FILIP1: variants seen among roughly 807,000 people sequenced by gnomAD.
FILIP1 encodes filamin A interacting protein 1, also known as filamin-A-interacting protein 1.
A neutral mutation model predicts 102.1 loss-of-function variants in FILIP1; 61 were observed. That is an observed-to-expected ratio of 0.60 (90% CI 0.49 to 0.74). The LOEUF is 0.74. Ranked by LOEUF, FILIP1 falls within the 30% of genes least tolerant of loss-of-function variation. FILIP1 has a pLI of 0.00. For missense variants in FILIP1, 1,314 were observed against 1,441.2 expected, an observed-to-expected ratio of 0.91 and a Z score of 1.43; for synonymous variants, 491 against 526.9, an observed-to-expected ratio of 0.93 and a Z score of 0.93.
At chr6:75,476,990 T>C (rs1225452577) in intron 1 of FILIP1, among the ~76,000 whole-genome samples, 5 of 152,176 alleles carry the variant, frequency 3.3e-5, no homozygotes, top group Non-Finnish European at 1.5e-5. Flanking sequence ...ATGATTGCGG[T>C]TATTAGTTTT....
At chr6:75,418,252 A>C (rs1346154164) in intron 1 of FILIP1, among the ~76,000 whole-genome samples, 8 of 152,188 alleles carry the variant, frequency 5.3e-5, no homozygotes, top group Non-Finnish European at 1.0e-4. Flanking sequence ...ACATAACAAA[A>C]TTTGAGAAAT....
At chr6:75,483,014 T>A (rs1475285285) in intron 1 of FILIP1, among the ~76,000 whole-genome samples, 3 of 146,690 alleles carry the variant, frequency 2.0e-5, no homozygotes, top group Non-Finnish European at 4.5e-5. Flanking sequence ...TTTCACTTTT[T>A]GTTTGCTTTC....
At position 75,312,824 on chromosome 6, in the gene FILIP1, G is replaced by A. The variant is rs1463049213; in HGVS notation, c.3008C>T (p.Pro1003Leu). The change falls in exon 5 of 6, where the codon CCC becomes CTC. Residue 1003 changes from proline (P) to leucine (L), a missense_variant. This residue lies in a region of FILIP1 where 816 missense variants were observed against 913.1 expected (regional missense o/e 0.89). Transcript: ENST00000237172. ...ESGRGAFADRPTSPIQIMTVS... is the reference protein window; with the variant it reads ...ESGRGAFADRLTSPIQIMTVS... ...CGTCATTATCTGAATAGGGGATGTG[G>A]GCCTGTCTGCAAATGCGCCTCTTCC... The A allele has an allele frequency of 6.2e-6, 10 of 1,614,152 alleles. No homozygotes were observed. In the South Asian group the frequency reaches 1.1e-4, roughly 18 times the overall value.
At chr6:75,465,637 G>T in intron 1 of FILIP1, 1 of 317,422 alleles carries the variant, frequency 3.2e-6, no homozygotes, top group Non-Finnish European at 5.8e-6. Flanking sequence ...TTCCACAGTA[G>T]TATATTTTCC....
At chr6:75,392,985 T>A (rs1345395625) in intron 2 of FILIP1, among the ~76,000 whole-genome samples, 1 of 152,198 alleles carries the variant, frequency 6.6e-6, no homozygotes, top group Non-Finnish European at 1.5e-5. Context: ...AATTGTCCAG[T>A]CTCAGGTATG....
intron 1 of FILIP1, among the ~76,000 whole-genome samples, chr6:75,486,957 T>C (rs1779806467): frequency 6.6e-6 from 1 of 152,114 alleles, no homozygotes; most frequent in African/African-American, 2.4e-5. Flanking sequence ...TTATCAAAAG[T>C]TGACGGGCCC....
chr6:75,401,792 C>T (rs1306822148), intron 2 of FILIP1, among the ~76,000 whole-genome samples: 1 of 152,090 alleles, frequency 6.6e-6, no homozygotes, highest in African/African-American at 2.4e-5. Context: ...TCATCATGCC[C>T]CAAGTCCTAC....
chr6:75,433,266 G>A (rs2464434), intron 1 of FILIP1, among the ~76,000 whole-genome samples: 106,133 of 152,064 alleles, frequency 0.7, 37,888 homozygotes, highest in African/African-American at 0.86. Flanking sequence ...GTCTTCCACA[G>A]TGATTGAATA....
chr6:75,329,787 T>G (rs1305197511), intron 4 of FILIP1, among the ~76,000 whole-genome samples: 1 of 152,186 alleles, frequency 6.6e-6, no homozygotes, highest in Non-Finnish European at 1.5e-5. Context: ...ATCTTTAATT[T>G]TTGTGGGTAC....
intron 1 of FILIP1, among the ~76,000 whole-genome samples, chr6:75,492,667 A>G (rs927700541): frequency 3.3e-5 from 5 of 152,196 alleles, no homozygotes; most frequent in African/African-American, 1.2e-4. Context: ...ACACATTCAT[A>G]CACACACACA....
At chr6:75,478,683 G>T (rs949456020) in intron 1 of FILIP1, among the ~76,000 whole-genome samples, 6 of 152,106 alleles carry the variant, frequency 3.9e-5, no homozygotes, top group Admixed American at 3.9e-4. Flanking sequence ...CTATAAATTC[G>T]TATGTCCGAA....
intron 2 of FILIP1, among the ~76,000 whole-genome samples, chr6:75,389,950 G>A (rs562390903): frequency 1.9e-4 from 29 of 152,092 alleles, no homozygotes; most frequent in African/African-American, 6.7e-4. Flanking sequence ...CTTGCTCTAA[G>A]GTAGTTATTC....
intron 1 of FILIP1, among the ~76,000 whole-genome samples, chr6:75,488,868 T>C (rs1779870982): frequency 6.6e-6 from 1 of 152,170 alleles, no homozygotes; most frequent in African/African-American, 2.4e-5. Flanking sequence ...TTGTTTGTCT[T>C]GGAATGTACT....
At chr6:75,329,766 T>G (rs986385500) in intron 4 of FILIP1, among the ~76,000 whole-genome samples, 2 of 152,180 alleles carry the variant, frequency 1.3e-5, no homozygotes, top group Admixed American at 6.5e-5. Flanking sequence ...TTTTAATTTT[T>G]TAAATTTTTA....
intron 1 of FILIP1, among the ~76,000 whole-genome samples, chr6:75,442,714 G>A (rs1183627694): frequency 1.3e-5 from 2 of 152,202 alleles, no homozygotes; most frequent in African/African-American, 4.8e-5. Context: ...GTACAGTCCA[G>A]CCTTGGCTCG....
In FILIP1 at chr6:75,309,245, T is replaced by C. The variant is rs79253424; in HGVS notation, c.3436-348A>G. On this transcript the variant is annotated intron_variant, in intron 5 of 5. Transcript: ENST00000237172. ...AACTTTACTCCTACTGCTCCCTAAA[T>C]TAACTCTACACTCCCTCCTTTCTTC... Among the ~76,000 whole-genome samples the C allele has an allele frequency of 7.1e-3, 1,086 of 152,232 alleles. 35 individuals carry two copies. In the East Asian group the frequency reaches 0.11, roughly 15 times the overall value.
At chr6:75,358,970 A>C (rs1386201001) in intron 3 of FILIP1, among the ~76,000 whole-genome samples, 1 of 150,124 alleles carries the variant, frequency 6.7e-6, no homozygotes, top group African/African-American at 2.5e-5. Flanking sequence ...GATCTGACAA[A>C]GTGCTGGGAT....
At position 75,329,818 on chromosome 6, in the gene FILIP1, T is replaced by A. The variant is rs182586827; in HGVS notation, c.630-14616A>T. Among the ~76,000 whole-genome samples the A allele has an allele frequency of 1.8e-4, 28 of 152,292 alleles. No homozygotes were observed. The East Asian group carries it at 5.4e-3, about 29-fold the overall frequency. ...GGTACATAGTAGGTATATACACTTA[T>A]GGGGTATATGGGATATTTTGATACA... On this transcript the variant is annotated intron_variant, in intron 4 of 5. Coordinates refer to ENST00000237172, the MANE Select transcript of FILIP1 (RefSeq NM_015687.5).
intron 1 of FILIP1, among the ~76,000 whole-genome samples, chr6:75,474,708 A>G (rs1391754909): frequency 7.2e-5 from 11 of 152,134 alleles, no homozygotes; most frequent in Admixed American, 7.2e-4. Flanking sequence ...ATATCAGACA[A>G]AAGTTTTGAT....
Sources: allele counts gnomAD v4.1 joint callset (sites outside exome capture counted in the v4.1 genomes callset), GRCh38; gene constraint gnomAD v4.1.1; regional missense constraint gnomAD v4.1.1; transcripts MANE v1.5; gene names NCBI Gene and HGNC (gene_info 2026-07-23, HGNC 2026-07-21).